The following PRKAG2 variants were observed in gnomAD, a reference collection of about 807,000 sequenced individuals.
PRKAG2 encodes the protein 5'-AMP-activated protein kinase subunit gamma-2.
Under a neutral mutation model 69.6 loss-of-function variants are expected in PRKAG2, and 26 were observed. The observed-to-expected ratio is 0.37, with a 90% confidence interval of 0.27 to 0.52. The LOEUF (loss-of-function observed/expected upper bound fraction) is 0.52. PRKAG2 is among the 20% of genes least tolerant of loss of function. The probability of loss-of-function intolerance (pLI) is 0.90; values close to 1 mark genes in which losing one functional copy is unlikely to be tolerated. For synonymous variants in PRKAG2, 293 were observed against 285.0 expected, an observed-to-expected ratio of 1.03 and a Z score of -0.28; for missense variants, 557 against 740.0, an observed-to-expected ratio of 0.75 and a Z score of 2.87.
intron 3 of PRKAG2, among the ~76,000 whole-genome samples, chr7:151,688,011 G>GGGAGGAGGAGGAGGAGGA (rs144406628): frequency 1.6e-4 from 20 of 126,288 alleles, no homozygotes; most frequent in Non-Finnish European, 3.0e-4. Context: ...TGGAAGGGGA[G>GGGAGGAGGAGGAGGAGGA]GGAGGAGGAG....
rs535818189 is a variant in PRKAG2, at chr7:151,703,845, A to AACACACACACACACAC, written c.467-28224_467-28209dup. On this transcript the variant is annotated intron_variant, in intron 3 of 15. Coordinates refer to ENST00000287878, the MANE Select transcript of PRKAG2 (RefSeq NM_016203.4). ...TGGTGAAACCCTGTCTTTACTGGAA[A>AACACACACACACACAC]ACACACACACACACACACACACACA... is the stretch of plus-strand genomic sequence containing the variant. 6.7e-4 allele frequency among the ~76,000 whole-genome samples: 59 copies of AACACACACACACACAC among 88,538 alleles called. 1 individual carries two copies. The highest frequency in any genetic ancestry group is 1.4e-3 in the East Asian group (4 of 2,866). 58.1% of individuals were successfully genotyped at this position (88,538 alleles called of 152,430 possible).
intron 11 of PRKAG2, among the ~76,000 whole-genome samples, 179 bp from the exon 12 acceptor site, chr7:151,566,064 C>T (rs973421543): frequency 1.3e-5 from 2 of 152,146 alleles, no homozygotes; most frequent in African/African-American, 4.8e-5. Context: ...TTGTTTGAAC[C>T]AGTTTGTAGG....
chr7:151,858,900 A>T (rs151048303), intron 1 of PRKAG2, among the ~76,000 whole-genome samples: 1 of 152,242 alleles, frequency 6.6e-6, no homozygotes, highest in Non-Finnish European at 1.5e-5. Flanking sequence ...GATGGAGCTG[A>T]CGGGCACCCT....
intron 3 of PRKAG2, among the ~76,000 whole-genome samples, chr7:151,695,325 C>T (rs1002299247): frequency 1.3e-5 from 2 of 152,218 alleles, no homozygotes; most frequent in African/African-American, 2.4e-5. Flanking sequence ...CTTCTGTCTT[C>T]CTTCTGAATA....
chr7:151,654,125 C>T (rs1829036520), intron 4 of PRKAG2, among the ~76,000 whole-genome samples: 2 of 152,106 alleles, frequency 1.3e-5, no homozygotes, highest in Non-Finnish European at 2.9e-5. Context: ...GACAGACAAA[C>T]CCATCCTTTT....
At chr7:151,589,941 AAAG>A (rs998270105) in intron 6 of PRKAG2, among the ~76,000 whole-genome samples, 61 of 152,334 alleles carry the variant, frequency 4.0e-4, no homozygotes, top group East Asian at 1.3e-3. Context: ...TCTTTAAAAA[AAAG>A]AAGAAGAAGA....
At chr7:151,806,537 G>T (rs2078111373) in intron 1 of PRKAG2, 1 of 163,492 alleles carries the variant, frequency 6.1e-6, no homozygotes, top group South Asian at 1.6e-4. Flanking sequence ...ATTATCTCAG[G>T]CTGATCAGGA....
intron 15 of PRKAG2, chr7:151,557,876 T>TAAA: frequency 8.7e-6 from 7 of 806,596 alleles, no homozygotes; most frequent in African/African-American, 2.2e-5. Flanking sequence ...CCGTCTCAAA[T>TAAA]AAAAAAAAAA....
chr7:151,787,349 T>C (rs1367846114), intron 1 of PRKAG2, among the ~76,000 whole-genome samples: 3 of 152,088 alleles, frequency 2.0e-5, no homozygotes, highest in Non-Finnish European at 4.4e-5. Flanking sequence ...CAAAACGCTG[T>C]TCCCATCAAA....
At chr7:151,713,584 T>C (rs968828124) in intron 3 of PRKAG2, among the ~76,000 whole-genome samples, 2 of 134,372 alleles carry the variant, frequency 1.5e-5, no homozygotes, top group East Asian at 5.8e-4. Flanking sequence ...TTTGCTTTTT[T>C]AATTTTTTTT....
intron 14 of PRKAG2, among the ~76,000 whole-genome samples, chr7:151,563,557 A>T (rs1805559268): frequency 6.6e-6 from 1 of 152,224 alleles, no homozygotes; most frequent in South Asian, 2.1e-4. Flanking sequence ...GTTTTCTCAA[A>T]ACAAAATGTA....
intron 3 of PRKAG2, among the ~76,000 whole-genome samples, chr7:151,743,144 C>T (rs766915112): frequency 2.0e-5 from 3 of 152,162 alleles, no homozygotes; most frequent in Non-Finnish European, 2.9e-5. Context: ...GCTTTTCACA[C>T]TCAGAATTCT....
chr7:151,840,372 G>A (rs1357146681), intron 1 of PRKAG2, among the ~76,000 whole-genome samples: 1 of 152,162 alleles, frequency 6.6e-6, no homozygotes, highest in Non-Finnish European at 1.5e-5. Context: ...CCCTCACCAT[G>A]CACCAGTTAG....
chr7:151,684,556 C>T (rs1435796570), intron 3 of PRKAG2, among the ~76,000 whole-genome samples: 1 of 152,156 alleles, frequency 6.6e-6, no homozygotes, highest in Non-Finnish European at 1.5e-5. Context: ...GGCCCGTATT[C>T]AGTATGGGCA....
At chr7:151,794,619 G>A (rs1418983194) in intron 1 of PRKAG2, among the ~76,000 whole-genome samples, 2 of 152,196 alleles carry the variant, frequency 1.3e-5, no homozygotes, top group African/African-American at 2.4e-5. Context: ...TGCGGCTCCC[G>A]CGGAAGCCAG....
At chr7:151,730,445 C>T (rs537850922) in intron 3 of PRKAG2, among the ~76,000 whole-genome samples, 2 of 152,174 alleles carry the variant, frequency 1.3e-5, no homozygotes, top group Admixed American at 6.5e-5. Context: ...CGTGGAGGAT[C>T]GCTTGAGCCC....
intron 4 of PRKAG2, among the ~76,000 whole-genome samples, chr7:151,671,767 C>T (rs553388325): frequency 3.9e-5 from 6 of 152,334 alleles, no homozygotes; most frequent in South Asian, 2.1e-4. Context: ...CTGTGAATGA[C>T]GCAGGTGAAG....
chr7:151,601,573 G>A (rs1816077747), intron 5 of PRKAG2, among the ~76,000 whole-genome samples: 1 of 152,134 alleles, frequency 6.6e-6, no homozygotes, highest in Admixed American at 6.5e-5. Context: ...AAGCTATGAG[G>A]GAGGATGCTC....
intron 5 of PRKAG2, among the ~76,000 whole-genome samples, chr7:151,619,718 G>A (rs1380874632): frequency 6.6e-6 from 1 of 152,066 alleles, no homozygotes; most frequent in African/African-American, 2.4e-5. Context: ...TCCAAAATCT[G>A]AAAAAAATCA....
Sources: gnomAD v4.1 joint callset for allele counts (sites outside exome capture counted in the v4.1 genomes callset) on GRCh38, gnomAD v4.1.1 for gene constraint, MANE v1.5 for transcripts, NCBI Gene and HGNC (gene_info 2026-07-23, HGNC 2026-07-21) for gene names.